Variants in SLC44A4 observed in about 807,000 individuals in gnomAD.
The protein encoded by SLC44A4 is solute carrier family 44 member 4.
A neutral mutation model predicts 97.0 loss-of-function variants in SLC44A4; 74 were observed. The observed-to-expected ratio is 0.76, with a 90% confidence interval of 0.63 to 0.93. The LOEUF (loss-of-function observed/expected upper bound fraction) is 0.93, where lower values mean the gene tolerates loss of function less well. Among genes scored for constraint, SLC44A4 ranks in the 40% least tolerant of loss-of-function variants. The pLI is 0.00. For missense variants in SLC44A4, 799 were observed against 902.9 expected (o/e 0.88, Z 1.48); for synonymous variants, 325 against 363.8 (o/e 0.89, Z 1.21).
rs1052845303 is a variant in SLC44A4 at position 31,876,403 on chromosome 6, G to A, written c.90-274C>T. Among the ~76,000 whole-genome samples the A allele has an allele frequency of 1.3e-5, 2 of 152,032 alleles. No homozygotes were observed. Among genetic ancestry groups the A allele is most frequent in the African/African-American group, 4.8e-5 (2 of 41,394 alleles). On this transcript the variant is annotated intron_variant, in intron 2 of 20. Transcript: ENST00000229729. This position sits in a 1 kb window ranked among gnomAD's most constrained non-coding sequence, Gnocchi z 4.8. Reference sequence around the variant, plus strand: ...CCTGCCTTAGCCTCCCGAGTAGCTGGGATTACAGGCGCGTGCCACTACTGC... The same window carrying A: ...CCTGCCTTAGCCTCCCGAGTAGCTGAGATTACAGGCGCGTGCCACTACTGC...
Position 31,870,930 on chromosome 6 carries a change from G to GATGCCGT in SLC44A4, c.812_818dup (p.Tyr274ArgfsTer49). 6.2e-7 allele frequency: 1 copy of GATGCCGT among 1,613,050 alleles called. No homozygotes were observed. On this transcript the variant is annotated frameshift_variant, in exon 10 of 21. Transcript: ENST00000229729. LOFTEE classifies it high-confidence loss of function. ...CTCGGTACTCCTCCCAGCAGTAGTA[G>GATGCCGT]ATGCCGTATGCCAGCACGCCCAGCA...
At chr6:31,875,783 TGG>T in intron 4 of SLC44A4, 67 bp downstream of exon 4, 1 of 1,379,912 alleles carries the variant, frequency 7.2e-7, no homozygotes, top group Non-Finnish European at 1.0e-6. Flanking sequence ...GAGCCTGAGT[TGG>T]GGGGGTGTCT....
chr6:31,867,744 A>G (rs992217486), intron 13 of SLC44A4, among the ~76,000 whole-genome samples: 5 of 152,012 alleles, frequency 3.3e-5, no homozygotes, highest in African/African-American at 2.4e-5. Context: ...AAAAAAGAAA[A>G]AGAAAAAGAA....
In SLC44A4 at chr6:31,864,700, A is replaced by G. The variant is rs1415264931; in HGVS notation, c.1963T>C (p.Phe655Leu). The change falls in exon 20 of 21, where the codon TTC becomes CTC. Residue 655 changes from phenylalanine (F) to leucine (L), a missense_variant. By Grantham distance (22) the Phe-to-Leu change is conservative. This residue lies in a region of SLC44A4 where 379 missense variants were observed against 438.3 expected (regional missense o/e 0.86). Coordinates refer to ENST00000229729, the MANE Select transcript of SLC44A4 (RefSeq NM_025257.3). ...ACACACATGCCGAAAACGCTGAAGA[A>G]GCCGCTGGCGATGACATAGGCCCCC... is the stretch of plus-strand genomic sequence containing the variant. ...ILGAYVIASG[F>L]FSVFGMCVDT... The G allele has an allele frequency of 1.2e-6, 2 of 1,613,958 alleles. No individual in the cohort carries two copies. The highest frequency in any genetic ancestry group is 2.7e-5 in the African/African-American group (2 of 74,870).
At chr6:31,873,992 T>C (rs1763309753) in intron 7 of SLC44A4, among the ~76,000 whole-genome samples, 1 of 152,072 alleles carries the variant, frequency 6.6e-6, no homozygotes. Flanking sequence ...CACCATGTGC[T>C]GTAATTCCAG....
chr6:31,865,501 G>A lies in SLC44A4; in HGVS notation c.1683C>T (p.Ile561=), dbSNP rs116224609. 969 of 1,610,032 alleles carry A rather than the reference G, an allele frequency of 6.0e-4. 4 individuals carry two copies. In the African/African-American group the frequency reaches 9.7e-3, roughly 16 times the overall value. ...FIKFLNRNAY[I]MIAIYGKNFC... is the part of the protein sequence containing the mutation. ...GGTTGCTTGCAGTGTAGCTCACCAT[G>A]ATGTATGCATTGCGGTTTAGGAACT... The change falls in exon 16 of 21, where the codon ATC becomes ATT. Residue 561 remains isoleucine (I), a synonymous_variant. Coordinates refer to ENST00000229729, the MANE Select transcript of SLC44A4 (RefSeq NM_025257.3). This position sits in a 1 kb window ranked among gnomAD's most constrained non-coding sequence, Gnocchi z 5.2.
chr6:31,865,131 G>GAC lies in SLC44A4; in HGVS notation c.1761-52_1761-51insGT. 6.3e-7 allele frequency: 1 copy of GAC among 1,599,080 alleles called. No individual in the cohort carries two copies. Among genetic ancestry groups the GAC allele is most frequent in the Non-Finnish European group, 8.6e-7 (1 of 1,167,006 alleles). ...AGGGTGAGAGGCCTGGCAATGCTGA[G>GAC]AGTGAAATTGGCTTCGTAATTTGTG... On this transcript the variant is annotated intron_variant, in intron 17 of 20. Coordinates refer to ENST00000229729, the MANE Select transcript of SLC44A4 (RefSeq NM_025257.3). The surrounding 1 kb of genome is among the most constrained non-coding windows in gnomAD (Gnocchi z 5.2).
At chr6:31,875,590 A>G (rs1581855001) in intron 4 of SLC44A4, among the ~76,000 whole-genome samples, 1 of 152,276 alleles carries the variant, frequency 6.6e-6, no homozygotes, top group East Asian at 1.9e-4. Context: ...CCAAACACCA[A>G]TCTCTGAACT....
intron 7 of SLC44A4, among the ~76,000 whole-genome samples, chr6:31,873,070 T>C (rs571404569): frequency 6.6e-6 from 1 of 151,854 alleles, no homozygotes; most frequent in African/African-American, 2.4e-5. Context: ...AGAGACGGGG[T>C]TTCACCATGT....
At chr6:31,869,761 G>A (rs1485875780) in intron 11 of SLC44A4, 124 bp from the exon 12 acceptor site, 6 of 684,088 alleles carry the variant, frequency 8.8e-6, no homozygotes, top group South Asian at 3.4e-5. Context: ...TGAGGCGGGC[G>A]GATCACGAGG....
chr6:31,869,643 G>C lies in SLC44A4; in HGVS notation c.1038-6C>G, dbSNP rs768036660. ...ACATCATCTGTCCCACAGCCCTGCA[G>C]GGAGACAAAGCTGTTAACCGGCACC... On this transcript the variant is annotated splice_polypyrimidine_tract_variant and splice_region_variant and intron_variant, in intron 11 of 20. Transcript: ENST00000229729. 132 of 1,594,564 alleles carry C rather than the reference G, an allele frequency of 8.3e-5. 1 individual carries two copies. In the Middle Eastern group the frequency reaches 1.5e-3, roughly 18 times the overall value.
chr6:31,874,690 C>T lies in SLC44A4; in HGVS notation c.468+31G>A, dbSNP rs773644571. On this transcript the variant is annotated intron_variant, in intron 6 of 20. Coordinates refer to ENST00000229729, the MANE Select transcript of SLC44A4 (RefSeq NM_025257.3). This position sits in a 1 kb window ranked among gnomAD's most constrained non-coding sequence, Gnocchi z 4.8. The stretch of plus-strand genomic sequence containing the variant: ...TCGTGCCCACCCTGGCCCTTCTGGG[C>T]GACAGTGATGAGGTTAGGGGCAATA... 14 of 1,581,572 alleles carry T rather than the reference C, an allele frequency of 8.9e-6. No individual in the cohort carries two copies. Among genetic ancestry groups the T allele is most frequent in the East Asian group, 2.2e-5 (1 of 44,710 alleles).
chr6:31,865,011 C>G lies in SLC44A4; in HGVS notation c.1830G>C (p.Val610=). The G allele has an allele frequency of 6.2e-7, 1 of 1,613,920 alleles. No homozygotes were observed. Among genetic ancestry groups the G allele is most frequent in the Non-Finnish European group, 8.5e-7 (1 of 1,180,040 alleles). Residue 610 remains valine (V), a splice_region_variant and synonymous_variant, in exon 18 of 21, where the codon GTG becomes GTC. Coordinates refer to ENST00000229729, the MANE Select transcript of SLC44A4 (RefSeq NM_025257.3). This position sits in a 1 kb window ranked among gnomAD's most constrained non-coding sequence, Gnocchi z 5.2. ...FFGKLLVVGG[V]GVLSFFFFSG... is the part of the protein sequence containing the mutation. ...TCCCCACAGCTTCTGGTCCCTTACCCACGCCTCCGACCACCAGCAGCTTCC... is the reference window on the plus strand; with the variant it reads ...TCCCCACAGCTTCTGGTCCCTTACCGACGCCTCCGACCACCAGCAGCTTCC...
At chr6:31,863,773 G>A (rs375455784) in intron 20 of SLC44A4, 25 bp from the exon 21 acceptor site, 40 of 1,611,664 alleles carry the variant, frequency 2.5e-5, no homozygotes, top group African/African-American at 1.1e-4. Flanking sequence ...AGACCGGTTA[G>A]AGCGGACCCT....
Position 31,865,488 on chromosome 6 carries a change from T to C in SLC44A4, c.1686+10A>G. The stretch of plus-strand genomic sequence containing the variant: ...CACCAGAACAAAGGGTTGCTTGCAG[T>C]GTAGCTCACCATGATGTATGCATTG... On this transcript the variant is annotated intron_variant, in intron 16 of 20. Transcript: ENST00000229729. The surrounding 1 kb of genome is among the most constrained non-coding windows in gnomAD (Gnocchi z 5.2). 6.2e-7 allele frequency: 1 copy of C among 1,611,718 alleles called. No homozygotes were observed. The highest frequency in any genetic ancestry group is 8.5e-7 in the Non-Finnish European group (1 of 1,177,984).
At position 31,876,068 on chromosome 6, in the gene SLC44A4, C is replaced by G. The variant is rs545351416; in HGVS notation, c.151G>C (p.Val51Leu). The change falls in exon 3 of 21, where the codon GTG becomes CTG. Residue 51 changes from valine (V) to leucine (L), a missense_variant. By Grantham distance (32) the Val-to-Leu change is conservative (BLOSUM62 1). Transcript: ENST00000229729. The surrounding 1 kb of genome is among the most constrained non-coding windows in gnomAD (Gnocchi z 4.8). The stretch of plus-strand genomic sequence containing the variant: ...GCTGGAAACTCACCCACAATCCCCA[C>G]CACGATGTAACCTAGAATGAAGAGC... ...FLLFILGYIVVGIVAWLYGDP... is the reference protein window; with the variant it reads ...FLLFILGYIVLGIVAWLYGDP... 4 of 1,614,094 alleles carry G rather than the reference C, an allele frequency of 2.5e-6. No homozygotes were observed. In the African/African-American group the frequency reaches 5.3e-5, roughly 22 times the overall value.
In SLC44A4 at chr6:31,874,849, G is replaced by A; in HGVS notation, c.343-3C>T. On this transcript the variant is annotated splice_region_variant and splice_polypyrimidine_tract_variant and intron_variant, in intron 5 of 20. Transcript: ENST00000229729. The surrounding 1 kb of genome is among the most constrained non-coding windows in gnomAD (Gnocchi z 4.8). The stretch of plus-strand genomic sequence containing the variant: ...TCCGGGCAGGAGGACACACACACCT[G>A]GGTGCAGAGAGAACACTAAGGGGCT... The A allele has an allele frequency of 6.2e-7, 1 of 1,612,518 alleles. No individual in the cohort carries two copies. The highest frequency in any genetic ancestry group is 8.5e-7 in the Non-Finnish European group (1 of 1,179,250).
chr6:31,872,906 G>A (rs1763250966), intron 7 of SLC44A4, among the ~76,000 whole-genome samples: 1 of 140,726 alleles, frequency 7.1e-6, no homozygotes, highest in African/African-American at 2.6e-5. Context: ...TTGAGATGGA[G>A]TCTCACTGTT....
Position 31,865,337 on chromosome 6 carries a change from G to A in SLC44A4, c.1738C>T (p.Leu580=), listed in dbSNP as rs1018374990. Residue 580 remains leucine, a synonymous_variant, in exon 17 of 21, where the codon CTA becomes TTA. Transcript: ENST00000229729. This position sits in a 1 kb window ranked among gnomAD's most constrained non-coding sequence, Gnocchi z 5.2. ...AACCTGACAATGTTTCGCATGAGTAGCATGAACGCATTTTTGGCTGAGACA... is the reference window on the plus strand; with the variant it reads ...AACCTGACAATGTTTCGCATGAGTAACATGAACGCATTTTTGGCTGAGACA... ...FCVSAKNAFM[L]LMRNIVRVVV... 1 of 1,614,040 alleles carries A rather than the reference G, an allele frequency of 6.2e-7. No individual in the cohort carries two copies. Among genetic ancestry groups the A allele is most frequent in the African/African-American group, 1.3e-5 (1 of 75,036 alleles).
Sources: gnomAD v4.1 joint callset for allele counts (sites outside exome capture counted in the v4.1 genomes callset) on GRCh38, gnomAD v4.1.1 for gene constraint, gnomAD v4.1.1 regional missense constraint, Gnocchi (gnomAD v3.1) non-coding constraint, MANE v1.5 for transcripts, NCBI Gene and HGNC (gene_info 2026-07-23, HGNC 2026-07-21) for gene names.